The following RAB37 variants were observed in gnomAD, a reference collection of about 807,000 sequenced individuals.
RAB37 encodes RAB37, member RAS oncogene family, also known as ras-related protein Rab-37.
A neutral mutation model predicts 33.1 loss-of-function variants in RAB37; 29 were observed. The observed-to-expected ratio is 0.88, with a 90% CI of 0.65 to 1.20. The LOEUF is 1.20. RAB37 is among the 50% of genes most tolerant of loss of function. The pLI, the probability that RAB37 is intolerant of heterozygous loss-of-function variation, is 0.00. For synonymous variants in RAB37, 128 were observed against 119.5 expected (o/e 1.07, Z -0.47); for missense variants, 299 against 301.1 (o/e 0.99, Z 0.05).
chr17:74,717,613 G>A (rs2144000720), intron 1 of RAB37, among the ~76,000 whole-genome samples: 1 of 151,482 alleles, frequency 6.6e-6, no homozygotes, highest in African/African-American at 2.4e-5. Context: ...GGGAGTTCAA[G>A]ACCAGCCTAA....
At chr17:74,672,417 T>C (rs532182517) in intron 1 of RAB37, among the ~76,000 whole-genome samples, 1 of 152,330 alleles carries the variant, frequency 6.6e-6, no homozygotes, top group African/African-American at 2.4e-5. Context: ...CCAGCCCCTA[T>C]ATTTTCTGCT....
At chr17:74,717,764 G>A (rs1205253574) in intron 1 of RAB37, among the ~76,000 whole-genome samples, 1 of 147,640 alleles carries the variant, frequency 6.8e-6, no homozygotes, top group African/African-American at 2.5e-5. Context: ...AGCCAAGATC[G>A]TACCATTGCA....
At chr17:74,697,920 C>T (rs1367328499) in intron 1 of RAB37, among the ~76,000 whole-genome samples, 2 of 152,108 alleles carry the variant, frequency 1.3e-5, no homozygotes, top group East Asian at 3.9e-4. Context: ...GTGTGTGTGC[C>T]CATGATCGCG....
rs201075341 is a variant in RAB37 at position 74,745,324 on chromosome 17, C to T, written c.585C>T (p.Ala195=). The T allele has an allele frequency of 1.1e-5, 17 of 1,614,034 alleles. No homozygotes were observed. Among genetic ancestry groups the T allele is most frequent in the Admixed American group, 3.3e-5 (2 of 60,024 alleles). Residue 195 remains alanine (A), a synonymous_variant, in exon 9 of 9, where the codon GCC becomes GCT. Transcript: ENST00000392613. This position sits in a 1 kb window ranked among gnomAD's most constrained non-coding sequence, Gnocchi z 4.5. ...CTTCAAGGGAACTGAAATACCGGGC[C>T]GGGCATCAGGCGGATGAGCCCAGCT... ...LAIAKELKYR[A]GHQADEPSFQ... is the part of the protein sequence containing the mutation.
upstream of RAB37, chr17:74,736,668 A>G: frequency 6.5e-7 from 1 of 1,535,668 alleles, no homozygotes; most frequent in Admixed American, 2.0e-5. Context: ...GATCCATACT[A>G]AAGGGTCAAA....
chr17:74,678,138 G>C (rs2031880048), intron 1 of RAB37, among the ~76,000 whole-genome samples: 1 of 152,148 alleles, frequency 6.6e-6, no homozygotes, highest in African/African-American at 2.4e-5. Flanking sequence ...TCAGGCAAGA[G>C]AAACAGTCTG....
At chr17:74,714,260 C>T (rs1456164004) in intron 1 of RAB37, among the ~76,000 whole-genome samples, 3 of 151,894 alleles carry the variant, frequency 2.0e-5, no homozygotes, top group South Asian at 4.2e-4. Flanking sequence ...GTCATGCATG[C>T]CTGTAGTCCA....
chr17:74,744,362 C>A lies in RAB37; in HGVS notation c.421C>A (p.Leu141Ile). 6.2e-7 allele frequency: 1 copy of A among 1,614,100 alleles called. No homozygotes were observed. The highest frequency in any genetic ancestry group is 8.5e-7 in the Non-Finnish European group (1 of 1,179,986). Reference sequence around the variant, plus strand: ...CCAGAGGGACGTGGTGATCATGCTGCTAGGCAACAAGGTGAGTGGCTCCGG... The same window carrying A: ...CCAGAGGGACGTGGTGATCATGCTGATAGGCAACAAGGTGAGTGGCTCCGG... ...YAQRDVVIML[L>I]GNKADMSSER... The change falls in exon 6 of 9, where the codon CTA becomes ATA. Residue 141 changes from leucine (L) to isoleucine (I), a missense_variant. Transcript: ENST00000392613. The surrounding 1 kb of genome is among the most constrained non-coding windows in gnomAD (Gnocchi z 4.2).
In RAB37 at chr17:74,738,264, C is replaced by T. The variant is rs1192686006; in HGVS notation, c.93+899C>T. On this transcript the variant is annotated intron_variant, in intron 1 of 8. Coordinates refer to ENST00000392613, the MANE Select transcript of RAB37 (RefSeq NM_001006638.3). This position sits in a 1 kb window ranked among gnomAD's most constrained non-coding sequence, Gnocchi z 5.0. Reference sequence around the variant, plus strand: ...CTGCCTCTCTCTGGGCCTCGGTTTCCTCCCCGACACCAGGGCTCACCCTTG... The same window carrying T: ...CTGCCTCTCTCTGGGCCTCGGTTTCTTCCCCGACACCAGGGCTCACCCTTG... Among the ~76,000 whole-genome samples, 4 of 152,192 alleles carry T rather than the reference C, an allele frequency of 2.6e-5. No individual in the cohort carries two copies. Among genetic ancestry groups the T allele is most frequent in the Non-Finnish European group, 4.4e-5 (3 of 68,028 alleles).
Position 74,671,543 on chromosome 17 carries a change from C to A in RAB37, c.-44C>A. On this transcript the variant is annotated 5_prime_UTR_variant, in exon 1 of 8. Transcript: ENST00000340415. This position sits in a 1 kb window ranked among gnomAD's most constrained non-coding sequence, Gnocchi z 5.0. ...CGAACCGAGCTCCTGGAAGCGCTGA[C>A]GCAGAGCGCAGGGAGAGCCGGAGCG... The A allele has an allele frequency of 1.9e-6, 3 of 1,598,748 alleles. No homozygotes were observed. Among genetic ancestry groups the A allele is most frequent in the Non-Finnish European group, 2.6e-6 (3 of 1,166,942 alleles).
At chr17:74,728,051 T>C (rs886121690) in intron 1 of RAB37, among the ~76,000 whole-genome samples, 2 of 152,178 alleles carry the variant, frequency 1.3e-5, no homozygotes, top group Non-Finnish European at 2.9e-5. Flanking sequence ...TCTCTGTGTA[T>C]GCATGTCTGT....
intron 1 of RAB37, among the ~76,000 whole-genome samples, chr17:74,688,215 C>T (rs894378482): frequency 2.6e-5 from 4 of 152,090 alleles, no homozygotes; most frequent in African/African-American, 4.8e-5. Context: ...GCTGGTCATA[C>T]GTGTTAACTA....
intron 1 of RAB37, chr17:74,695,718 G>A (rs777153185): frequency 4.3e-6 from 7 of 1,613,994 alleles, no homozygotes; most frequent in East Asian, 2.2e-5. Flanking sequence ...CCCCATGGAG[G>A]ACGCACCATG....
At chr17:74,689,155 A>C (rs12451017) in intron 1 of RAB37, among the ~76,000 whole-genome samples, 4,273 of 152,058 alleles carry the variant, frequency 0.028, 184 homozygotes, top group Admixed American at 0.1. Flanking sequence ...AAAATTAACC[A>C]GGTGTGGGCG....
At chr17:74,698,827 G>A (rs2032768049) in intron 1 of RAB37, among the ~76,000 whole-genome samples, 2 of 152,098 alleles carry the variant, frequency 1.3e-5, no homozygotes, top group Admixed American at 6.5e-5. Flanking sequence ...GCAATTTACC[G>A]ATATAACAAA....
intron 1 of RAB37, chr17:74,698,505 C>T (rs2032731811): frequency 6.3e-7 from 1 of 1,598,708 alleles, no homozygotes; most frequent in South Asian, 1.1e-5. Flanking sequence ...CAAGCGTCCC[C>T]TGCATCCCAG....
chr17:74,724,148 C>G (rs2034276420), intron 1 of RAB37, among the ~76,000 whole-genome samples: 1 of 152,340 alleles, frequency 6.6e-6, no homozygotes, highest in South Asian at 2.1e-4. Flanking sequence ...GTCCTGACGA[C>G]ATGTGGCCAA....
chr17:74,729,114 T>C lies in RAB37; in HGVS notation c.73-142T>C. The C allele has an allele frequency of 8.3e-6, 5 of 604,988 alleles. No individual in the cohort carries two copies. Among genetic ancestry groups the C allele is most frequent in the Non-Finnish European group, 9.4e-6 (3 of 320,702 alleles). The allele number at this position is 604,988 out of a possible 1,614,324, so 37.5% of individuals were successfully genotyped here. On this transcript the variant is annotated intron_variant, in intron 1 of 7. Transcript: ENST00000340415. The surrounding 1 kb of genome is among the most constrained non-coding windows in gnomAD (Gnocchi z 4.2). ...TGTCTGTATGTGTGTGTCAGTGTCT[T>C]GTGTGTGTGTGTTTCTGTGTGTGTG... is the stretch of plus-strand genomic sequence containing the variant.
At chr17:74,732,370 C>A (rs117137539), upstream of RAB37, among the ~76,000 whole-genome samples, 2 of 151,352 alleles carry the variant, frequency 1.3e-5, no homozygotes, top group Non-Finnish European at 2.9e-5. Flanking sequence ...CACATCCCGA[C>A]CCTGTGCTCT....
Sources: gnomAD v4.1 joint callset for allele counts (sites outside exome capture counted in the v4.1 genomes callset) on GRCh38, gnomAD v4.1.1 for gene constraint, Gnocchi (gnomAD v3.1) non-coding constraint, MANE v1.5 for transcripts, NCBI Gene and HGNC (gene_info 2026-07-23, HGNC 2026-07-21) for gene names.